ANK2: variants seen among roughly 807,000 people sequenced by gnomAD.
The protein encoded by ANK2 is ankyrin 2.
A neutral mutation model predicts 360.5 loss-of-function variants in ANK2; 83 were observed. That is an observed-to-expected ratio of 0.23 (90% CI 0.19 to 0.28). The LOEUF (loss-of-function observed/expected upper bound fraction) is 0.28. Ranked by LOEUF, ANK2 falls within the 10% of genes least tolerant of loss-of-function variation. The pLI is 1.00. For missense variants in ANK2, 4,201 were observed against 4,795.7 expected (o/e 0.88, Z 3.66); for synonymous variants, 1,740 against 1,759.5 (o/e 0.99, Z 0.28).
chr4:112,706,309 C>A, the ANK2 span, among the ~76,000 whole-genome samples: 1 of 152,146 alleles, frequency 6.6e-6, no homozygotes, highest in Non-Finnish European at 1.5e-5. Flanking sequence ...GGCGGCTCCC[C>A]TAGGAGCGGG....
At chr4:113,060,105 G>C (rs926862403) in intron 1 of ANK2, among the ~76,000 whole-genome samples, 1 of 152,078 alleles carries the variant, frequency 6.6e-6, no homozygotes, top group Non-Finnish European at 1.5e-5. Context: ...AAGGTCATAT[G>C]AGGGGAAATG....
intron 1 of ANK2, among the ~76,000 whole-genome samples, chr4:112,879,666 A>T (rs556500281): frequency 6.6e-5 from 10 of 152,334 alleles, no homozygotes; most frequent in African/African-American, 2.4e-4. Context: ...ACATTTTTAT[A>T]TGTATTGAGT....
At chr4:113,285,077 G>A (rs1243297527) in intron 18 of ANK2, among the ~76,000 whole-genome samples, 1 of 151,518 alleles carries the variant, frequency 6.6e-6, no homozygotes, top group Non-Finnish European at 1.5e-5. Flanking sequence ...TGTGTCTTAG[G>A]AAATAAATTA....
intron 1 of ANK2, among the ~76,000 whole-genome samples, chr4:113,164,910 G>T (rs1458538451): frequency 1.3e-5 from 2 of 152,148 alleles, no homozygotes; most frequent in Non-Finnish European, 2.9e-5. Flanking sequence ...CTTAAAGAAA[G>T]AATTAAATAA....
At chr4:112,783,111 T>C in the ANK2 span, among the ~76,000 whole-genome samples, 1 of 152,034 alleles carries the variant, frequency 6.6e-6, no homozygotes, top group Non-Finnish European at 1.5e-5. Context: ...GGTTTCACTA[T>C]GTTGGCCAGG....
At chr4:113,140,634 A>G (rs1423512264) in intron 1 of ANK2, among the ~76,000 whole-genome samples, 1 of 152,156 alleles carries the variant, frequency 6.6e-6, no homozygotes, top group Non-Finnish European at 1.5e-5. Flanking sequence ...TTAAAGACTC[A>G]TGGCAATTTT....
At chr4:113,097,892 G>GTA (rs1316121824) in intron 1 of ANK2, among the ~76,000 whole-genome samples, 1 of 128,102 alleles carries the variant, frequency 7.8e-6, no homozygotes, top group Non-Finnish European at 1.7e-5. Context: ...ACACACACAC[G>GTA]CACACACACA....
intron 5 of ANK2, among the ~76,000 whole-genome samples, chr4:113,236,233 A>G (rs141029227): frequency 6.6e-6 from 1 of 152,256 alleles, no homozygotes; most frequent in East Asian, 1.9e-4. Flanking sequence ...GTTTCTAGAA[A>G]GAAAAAGATA....
the ANK2 span, among the ~76,000 whole-genome samples, chr4:112,805,476 C>T: frequency 7.2e-4 from 109 of 151,486 alleles, 1 homozygote; most frequent in African/African-American, 2.5e-3. Flanking sequence ...TAGGCACTGT[C>T]GTAAATAAGC....
intron 1 of ANK2, among the ~76,000 whole-genome samples, chr4:113,084,857 T>A (rs2154349549): frequency 6.6e-6 from 1 of 152,330 alleles, no homozygotes; most frequent in South Asian, 2.1e-4. Context: ...TACTTCCAAG[T>A]CCTTATGCCA....
intron 1 of ANK2, among the ~76,000 whole-genome samples, chr4:113,171,853 C>T (rs112357242): frequency 7.6e-4 from 115 of 152,286 alleles, no homozygotes; most frequent in African/African-American, 2.6e-3. Context: ...CTATTATATA[C>T]TCCTCAGCAA....
At chr4:112,713,012 A>G in the ANK2 span, among the ~76,000 whole-genome samples, 1 of 152,174 alleles carries the variant, frequency 6.6e-6, no homozygotes, top group Non-Finnish European at 1.5e-5. Flanking sequence ...TAGTCAAACA[A>G]AGGCTTCTCC....
intron 1 of ANK2, among the ~76,000 whole-genome samples, chr4:113,111,351 A>T (rs2094281613): frequency 6.6e-6 from 1 of 152,196 alleles, no homozygotes; most frequent in African/African-American, 2.4e-5. Flanking sequence ...AAAGCTGTTA[A>T]CATATAATTT....
At chr4:112,966,172 C>T (rs2037143987) in intron 2 of ANK2, among the ~76,000 whole-genome samples, 1 of 151,524 alleles carries the variant, frequency 6.6e-6, no homozygotes, top group Non-Finnish European at 1.5e-5. Flanking sequence ...TGACATGTTT[C>T]CTTTTCTTTG....
intron 1 of ANK2, among the ~76,000 whole-genome samples, chr4:112,875,186 G>GATGGAAAAAGCAAAAAAAAAGAAGTA (rs2074643146): frequency 6.6e-6 from 1 of 151,946 alleles, no homozygotes; most frequent in East Asian, 1.9e-4. Flanking sequence ...CATGCCCAAG[G>GATGGAAAAAGCAAAAAAAAAGAAGTA]TTTTTGTAGT....
intron 24 of ANK2, among the ~76,000 whole-genome samples, chr4:113,316,610 A>T (rs2153834243): frequency 6.6e-6 from 1 of 152,338 alleles, no homozygotes; most frequent in South Asian, 2.1e-4. Context: ...AATATTGTGA[A>T]AGCTTGCGTA....
intron 28 of ANK2, among the ~76,000 whole-genome samples, chr4:113,332,453 C>A (rs1160547475): frequency 6.6e-6 from 1 of 152,176 alleles, no homozygotes; most frequent in Non-Finnish European, 1.5e-5. Context: ...TAGGGCAGTG[C>A]ATGTTCCGGA....
the ANK2 span, among the ~76,000 whole-genome samples, chr4:112,714,638 T>C: frequency 6.6e-6 from 1 of 152,148 alleles, no homozygotes; most frequent in African/African-American, 2.4e-5. Context: ...ATATGTCACA[T>C]CTCATACCCT....
intron 1 of ANK2, among the ~76,000 whole-genome samples, chr4:113,086,223 T>C (rs2084674902): frequency 6.6e-6 from 1 of 152,228 alleles, no homozygotes; most frequent in African/African-American, 2.4e-5. Context: ...GCCTTTTAAA[T>C]GTAACTGTCT....
Sources: gnomAD v4.1 joint callset for allele counts (sites outside exome capture counted in the v4.1 genomes callset) on GRCh38, gnomAD v4.1.1 for gene constraint, MANE v1.5 for transcripts, NCBI Gene and HGNC (gene_info 2026-07-23, HGNC 2026-07-21) for gene names.